The following SKP2 variants were observed in gnomAD, a reference collection of about 807,000 sequenced individuals.
SKP2 encodes S-phase kinase associated protein 2.
SKP2 carries 16 observed loss-of-function variants against 51.8 expected under a neutral mutation model. The ratio of observed to expected loss-of-function variants is 0.31; its 90% confidence interval spans 0.21 to 0.47. The LOEUF is 0.47. Among genes scored for constraint, SKP2 ranks in the 20% least tolerant of loss-of-function variants. The probability of loss-of-function intolerance (pLI) is 1.00; values close to 1 mark genes in which losing one functional copy is unlikely to be tolerated. For synonymous variants in SKP2, 176 were observed against 198.6 expected (o/e 0.89, Z 0.96); for missense variants, 377 against 505.3 (o/e 0.75, Z 2.43).
intron 2 of SKP2, chr5:36,155,179 C>T (rs1028977632): frequency 1.3e-5 from 2 of 151,704 alleles, no homozygotes; most frequent in East Asian, 1.9e-4. Flanking sequence ...AGCATGGCCC[C>T]TGCGCAGGAA....
intron 9 of SKP2, among the ~76,000 whole-genome samples, chr5:36,179,793 T>C (rs1367852458): frequency 2.0e-5 from 3 of 152,190 alleles, no homozygotes; most frequent in Non-Finnish European, 4.4e-5. Flanking sequence ...ATAATGGCTC[T>C]TGAACTACTT....
chr5:36,152,442 C>T (rs1332886416), intron 1 of SKP2, among the ~76,000 whole-genome samples, 172 bp downstream of exon 1: 1 of 152,180 alleles, frequency 6.6e-6, no homozygotes, highest in Admixed American at 6.5e-5. Flanking sequence ...CGGGGATCAG[C>T]GTGTGGTTTT....
intron 5 of SKP2, 125 bp downstream of exon 5, chr5:36,168,572 C>A: frequency 1.1e-6 from 1 of 870,422 alleles, no homozygotes; most frequent in Non-Finnish European, 1.8e-6. Flanking sequence ...TAGTGCAGTG[C>A]TCTAGCTTCT....
chr5:36,185,220 T>C (rs1383920519), downstream of SKP2, among the ~76,000 whole-genome samples: 2 of 152,244 alleles, frequency 1.3e-5, no homozygotes, highest in Non-Finnish European at 1.5e-5. Flanking sequence ...GCCTGTTCAC[T>C]CTGATGGTAG....
At position 36,181,928 on chromosome 5, in the gene SKP2, C is replaced by A. The variant is rs940305777; in HGVS notation, c.1172C>A (p.Ser391Tyr). 6.8e-6 allele frequency: 11 copies of A among 1,614,146 alleles called. No homozygotes were observed. The change falls in exon 10 of 10, where the codon TCC becomes TAC. Residue 391 changes from serine to tyrosine, a missense_variant. This residue lies in a region of SKP2 where 262 missense variants were observed against 389.8 expected (regional missense o/e 0.67). Coordinates refer to ENST00000274255, the MANE Select transcript of SKP2 (RefSeq NM_005983.4). ...EALPHLQINC[S>Y]HFTTIARPTI... The stretch of plus-strand genomic sequence containing the variant: ...CTTCCTCATCTACAGATTAATTGCT[C>A]CCATTTCACCACCATTGCCAGGCCA...
chr5:36,155,482 T>A (rs757048154), intron 2 of SKP2, among the ~76,000 whole-genome samples: 1 of 152,216 alleles, frequency 6.6e-6, no homozygotes, highest in Non-Finnish European at 1.5e-5. Context: ...GTCGTGAAGA[T>A]TAAATGAGAA....
At chr5:36,177,126 C>T in intron 8 of SKP2, 59 bp from the exon 9 acceptor site, 1 of 1,325,866 alleles carries the variant, frequency 7.5e-7, no homozygotes, top group Non-Finnish European at 1.1e-6. Context: ...TTATTTCTGT[C>T]TTCTTTATCT....
At chr5:36,154,210 G>GA (rs1292796706) in intron 2 of SKP2, among the ~76,000 whole-genome samples, 1 of 152,030 alleles carries the variant, frequency 6.6e-6, no homozygotes, top group Non-Finnish European at 1.5e-5. Context: ...GGTATTGAGA[G>GA]AAAGCCTCAA....
chr5:36,192,126 G>A (rs1746038934), intron 6 of SKP2, among the ~76,000 whole-genome samples: 1 of 152,012 alleles, frequency 6.6e-6, no homozygotes, highest in Admixed American at 6.5e-5. Flanking sequence ...AAGTCTTAAA[G>A]CCCGTAAGAC....
chr5:36,192,231 G>C (rs889483100), intron 6 of SKP2, among the ~76,000 whole-genome samples: 7 of 152,040 alleles, frequency 4.6e-5, no homozygotes, highest in African/African-American at 1.7e-4. Context: ...TTAAAGTCAA[G>C]AATAAAATGC....
At chr5:36,158,116 G>A (rs189605880) in intron 2 of SKP2, among the ~76,000 whole-genome samples, 16 of 152,262 alleles carry the variant, frequency 1.1e-4, no homozygotes, top group Middle Eastern at 3.4e-3. Flanking sequence ...TTTAACTGCC[G>A]TCCATGTCAT....
At chr5:36,175,222 A>G (rs751112813) in intron 7 of SKP2, among the ~76,000 whole-genome samples, 18 of 152,238 alleles carry the variant, frequency 1.2e-4, no homozygotes, top group Non-Finnish European at 2.5e-4. Context: ...ATAGTCCACT[A>G]TGATTTCAAG....
chr5:36,186,751 G>C (rs1043893046), downstream of SKP2, among the ~76,000 whole-genome samples: 3 of 152,112 alleles, frequency 2.0e-5, no homozygotes, highest in African/African-American at 7.2e-5. Context: ...GATGATGCTG[G>C]CCTCACAAAA....
chr5:36,170,302 T>TCTTA (rs774776522), intron 5 of SKP2, 42 bp from the exon 6 acceptor site: 10 of 1,137,940 alleles, frequency 8.8e-6, no homozygotes, highest in Admixed American at 5.2e-5. Context: ...ATGAATAGTG[T>TCTTA]CTTACTGGTC....
intron 9 of SKP2, among the ~76,000 whole-genome samples, chr5:36,178,521 C>T (rs193173357): frequency 6.6e-6 from 1 of 152,124 alleles, no homozygotes; most frequent in East Asian, 1.9e-4. Context: ...GATTTACTTT[C>T]CCAGCTCTCA....
chr5:36,160,806 G>A (rs1171094471), intron 2 of SKP2, among the ~76,000 whole-genome samples: 1 of 152,160 alleles, frequency 6.6e-6, no homozygotes, highest in Non-Finnish European at 1.5e-5. Flanking sequence ...GAACTTTGTG[G>A]CAGTGATGGA....
rs183301409 is a variant in SKP2, at chr5:36,176,730, T to A, written c.902-235T>A. On this transcript the variant is annotated intron_variant, in intron 7 of 9. Coordinates refer to ENST00000274255, the MANE Select transcript of SKP2 (RefSeq NM_005983.4). ...TTTCCAGCCTGCTATTGCTGATACA[T>A]AGATAAGCTAAAGATTGTCATTTTA... Among the ~76,000 whole-genome samples, 551 of 152,118 alleles carry A rather than the reference T, an allele frequency of 3.6e-3. 1 individual carries two copies. The highest frequency in any genetic ancestry group is 0.012 in the African/African-American group (482 of 41,556).
intron 6 of SKP2, 57 bp downstream of exon 6, chr5:36,170,499 T>A: frequency 9.5e-7 from 1 of 1,050,100 alleles, no homozygotes. Context: ...AAATTATCCC[T>A]CACATCTGTA....
In SKP2 at chr5:36,182,000, G is replaced by A. The variant is rs749018912; in HGVS notation, c.1244G>A (p.Arg415Gln). 26 of 1,614,016 alleles carry A rather than the reference G, an allele frequency of 1.6e-5. No individual in the cohort carries two copies. Among genetic ancestry groups the A allele is most frequent in the Admixed American group, 6.7e-5 (4 of 60,008 alleles). ...KNQEIWGIKCRLTLQKPSCL is the reference protein window; with the variant it reads ...KNQEIWGIKCQLTLQKPSCL Reference sequence around the variant, plus strand: ...CAGGAGATATGGGGCATCAAATGCCGACTGACACTGCAAAAGCCCAGTTGT... The same window carrying A: ...CAGGAGATATGGGGCATCAAATGCCAACTGACACTGCAAAAGCCCAGTTGT... The change falls in exon 10 of 10, where the codon CGA (arginine) becomes CAA (glutamine). Residue 415 changes from arginine (R) to glutamine (Q), a missense_variant. Transcript: ENST00000274255.
Sources: allele counts gnomAD v4.1 joint callset (sites outside exome capture counted in the v4.1 genomes callset), GRCh38; gene constraint gnomAD v4.1.1; regional missense constraint gnomAD v4.1.1; transcripts MANE v1.5; gene names NCBI Gene and HGNC (gene_info 2026-07-23, HGNC 2026-07-21).